The following WWOX variants were observed in gnomAD, a reference collection of about 807,000 sequenced individuals.
WWOX encodes the protein WW domain-containing oxidoreductase.
Under a neutral mutation model 46.2 loss-of-function variants are expected in WWOX, and 69 were observed. That is an observed-to-expected ratio of 1.49 (90% CI 1.23 to 1.82). WWOX has a LOEUF of 1.82. Ranked by LOEUF, WWOX falls within the 40% of genes most tolerant of loss-of-function variation. The probability of loss-of-function intolerance (pLI) is 0.00; values close to 1 mark genes in which losing one functional copy is unlikely to be tolerated. For missense variants in WWOX, 919 were observed against 542.6 expected, an observed-to-expected ratio of 1.69 and a Z score of -6.89; for synonymous variants, 359 against 202.6, an observed-to-expected ratio of 1.77 and a Z score of -6.56.
intron 8 of WWOX, among the ~76,000 whole-genome samples, chr16:78,788,272 T>A (rs990849211): frequency 1.3e-5 from 2 of 152,226 alleles, no homozygotes; most frequent in African/African-American, 2.4e-5. Flanking sequence ...TATATAGGGT[T>A]CCTGGCTCAT....
chr16:78,897,925 C>T (rs8047431), intron 8 of WWOX: 4 of 151,812 alleles, frequency 2.6e-5, no homozygotes, highest in Non-Finnish European at 5.9e-5. Flanking sequence ...TGACTAATGC[C>T]TCTTTTTATG....
chr16:78,894,020 T>TCTATTATTATTATTATTA (rs1555561423), intron 8 of WWOX, among the ~76,000 whole-genome samples: 1 of 140,080 alleles, frequency 7.1e-6, no homozygotes, highest in African/African-American at 2.6e-5. Flanking sequence ...TATTGAGGCT[T>TCTATTATTATTATTATTA]TTATTATTAT....
At chr16:78,887,339 C>G (rs1267401383) in intron 8 of WWOX, among the ~76,000 whole-genome samples, 1 of 151,920 alleles carries the variant, frequency 6.6e-6, no homozygotes, top group African/African-American at 2.4e-5. Context: ...TGTAGCTTTT[C>G]TTTCCCCTCT....
Position 79,106,582 on chromosome 16 carries a change from A to ATTTTTTTTTTTTTTT in WWOX, c.1057-105007_1057-104993dup, listed in dbSNP as rs752318131. 54 of 79,518 alleles carry ATTTTTTTTTTTTTTT rather than the reference A, an allele frequency of 6.8e-4. 5 individuals are homozygous for ATTTTTTTTTTTTTTT. Among genetic ancestry groups the ATTTTTTTTTTTTTTT allele is most frequent in the African/African-American group, 2.8e-3 (52 of 18,838 alleles). The allele number at this position is 79,518 out of a possible 1,614,324, so 4.9% of individuals were successfully genotyped here. ...CCTAAAATGACTCTTTCTTAAAATA[A>ATTTTTTTTTTTTTTT]TTTTTTTTTTTTTTTTTTTTTTTTT... On this transcript the variant is annotated intron_variant, in intron 8 of 8. Coordinates refer to ENST00000566780, the MANE Select transcript of WWOX (RefSeq NM_016373.4).
chr16:79,086,484 G>T (rs1427212601), intron 8 of WWOX, among the ~76,000 whole-genome samples: 1 of 152,142 alleles, frequency 6.6e-6, no homozygotes, highest in African/African-American at 2.4e-5. Flanking sequence ...CAAAACTTGT[G>T]GTGGAAGCAA....
At chr16:78,997,926 G>T (rs2047021655) in intron 8 of WWOX, among the ~76,000 whole-genome samples, 1 of 152,026 alleles carries the variant, frequency 6.6e-6, no homozygotes, top group South Asian at 2.1e-4. Context: ...GCCTAGGCTG[G>T]AGTACAATGG....
At chr16:78,736,299 G>T (rs1179148821) in intron 8 of WWOX, among the ~76,000 whole-genome samples, 1 of 152,150 alleles carries the variant, frequency 6.6e-6, no homozygotes, top group Non-Finnish European at 1.5e-5. Flanking sequence ...TCCTCATGGG[G>T]ACCTGTATGT....
chr16:78,906,792 T>C (rs2044976784), intron 8 of WWOX, among the ~76,000 whole-genome samples: 1 of 152,232 alleles, frequency 6.6e-6, no homozygotes, highest in Admixed American at 6.5e-5. Flanking sequence ...TTCTGACCCT[T>C]TATCACCCAC....
intron 8 of WWOX, among the ~76,000 whole-genome samples, chr16:78,707,195 A>T (rs1265667832): frequency 1.3e-5 from 2 of 152,108 alleles, no homozygotes; most frequent in East Asian, 3.9e-4. Context: ...TTCTTTTACC[A>T]CCCCTTACTC....
chr16:78,950,533 T>TAC (rs141591649), intron 8 of WWOX, among the ~76,000 whole-genome samples: 57,527 of 146,718 alleles, frequency 0.39, 11,970 homozygotes, highest in East Asian at 0.67. Flanking sequence ...CACACACACA[T>TAC]ACACACACAC....
intron 8 of WWOX, among the ~76,000 whole-genome samples, chr16:78,594,072 A>G (rs2045417454): frequency 6.6e-6 from 1 of 152,132 alleles, no homozygotes; most frequent in South Asian, 2.1e-4. Context: ...TCACGTTTAT[A>G]AAGTCTGCGG....
intron 8 of WWOX, among the ~76,000 whole-genome samples, chr16:78,774,276 C>T (rs1044607746): frequency 5.3e-5 from 8 of 152,114 alleles, no homozygotes; most frequent in African/African-American, 1.9e-4. Flanking sequence ...TAGCAGGCGC[C>T]TGTAATCCCA....
At chr16:78,113,609 A>G (rs1374743765) in intron 3 of WWOX, among the ~76,000 whole-genome samples, 1 of 152,110 alleles carries the variant, frequency 6.6e-6, no homozygotes, top group Non-Finnish European at 1.5e-5. Flanking sequence ...GGGTGCTGGT[A>G]AATGTTTAGC....
At chr16:78,729,880 C>T (rs1597505109) in intron 8 of WWOX, among the ~76,000 whole-genome samples, 1 of 152,144 alleles carries the variant, frequency 6.6e-6, no homozygotes. Flanking sequence ...CCCAAACCCA[C>T]AGGGCTCTAT....
chr16:78,937,122 A>G (rs1433219647), intron 8 of WWOX, among the ~76,000 whole-genome samples: 2 of 152,196 alleles, frequency 1.3e-5, no homozygotes, highest in East Asian at 1.9e-4. Context: ...AATCATTCCA[A>G]TTCCTAGATT....
chr16:78,736,252 G>A (rs968241016), intron 8 of WWOX, among the ~76,000 whole-genome samples: 17 of 152,138 alleles, frequency 1.1e-4, no homozygotes, highest in African/African-American at 2.7e-4. Context: ...CCAGAAGGCC[G>A]GGCTGTGGTA....
intron 8 of WWOX, among the ~76,000 whole-genome samples, chr16:78,847,387 T>C (rs2052327032): frequency 6.6e-6 from 1 of 152,222 alleles, no homozygotes; most frequent in African/African-American, 2.4e-5. Flanking sequence ...TTTGTTCATA[T>C]ATTTATAACA....
chr16:78,166,647 C>G (rs890334485), intron 5 of WWOX: 1 of 152,038 alleles, frequency 6.6e-6, no homozygotes, highest in African/African-American at 2.4e-5. Context: ...CAACTTTCAC[C>G]TCCTGCGTTC....
chr16:78,673,790 T>C (rs2047523172), intron 8 of WWOX, among the ~76,000 whole-genome samples: 1 of 152,226 alleles, frequency 6.6e-6, no homozygotes, highest in Non-Finnish European at 1.5e-5. Flanking sequence ...CTTTCTTTGA[T>C]GTCCCAATTC....
Sources: allele counts gnomAD v4.1 joint callset (sites outside exome capture counted in the v4.1 genomes callset), GRCh38; gene constraint gnomAD v4.1.1; transcripts MANE v1.5; gene names NCBI Gene and HGNC (gene_info 2026-07-23, HGNC 2026-07-21).